Variants in NEK1 observed in about 807,000 individuals in gnomAD.
NEK1 encodes NIMA related kinase 1, also known as serine/threonine-protein kinase Nek1.
Under a neutral mutation model 182.1 loss-of-function variants are expected in NEK1, and 137 were observed. The ratio of observed to expected loss-of-function variants is 0.75; its 90% CI spans 0.65 to 0.87. The LOEUF (loss-of-function observed/expected upper bound fraction) is 0.87. NEK1 is among the 40% of genes least tolerant of loss of function. The pLI, the probability that NEK1 is intolerant of heterozygous loss-of-function variation, is 0.00. For missense variants in NEK1, 1,391 were observed against 1,494.4 expected (o/e 0.93, Z 1.14); for synonymous variants, 513 against 492.2 (o/e 1.04, Z -0.56).
intron 23 of NEK1, among the ~76,000 whole-genome samples, chr4:169,481,568 G>A (rs1748016682): frequency 6.6e-6 from 1 of 152,118 alleles, no homozygotes; most frequent in African/African-American, 2.4e-5. Context: ...TAGGTGCCTT[G>A]TCAATGAGTA....
At chr4:169,479,940 G>C (rs17627342) in intron 23 of NEK1, among the ~76,000 whole-genome samples, 1 of 152,082 alleles carries the variant, frequency 6.6e-6, no homozygotes, top group Non-Finnish European at 1.5e-5. Context: ...CTCAACATAA[G>C]AGCCCTCATA....
intron 26 of NEK1, among the ~76,000 whole-genome samples, chr4:169,468,637 T>C (rs1001189508): frequency 6.6e-6 from 1 of 152,190 alleles, no homozygotes; most frequent in African/African-American, 2.4e-5. Flanking sequence ...TCTCATAAAA[T>C]TAGTTAGGGA....
chr4:169,582,017 C>T (rs1441199999), intron 10 of NEK1, among the ~76,000 whole-genome samples: 2 of 152,132 alleles, frequency 1.3e-5, no homozygotes, highest in East Asian at 3.9e-4. Context: ...GAACAAAAAT[C>T]ATTTACATTT....
At position 169,592,279 on chromosome 4, in the gene NEK1, C is replaced by G. The variant is rs75456550; in HGVS notation, c.313-1470G>C. On this transcript the variant is annotated intron_variant, in intron 5 of 35. Transcript: ENST00000507142. ...TAAAACCATGTATATAAGATATTTA[C>G]TACAGCACTGTTAGCCAGAACCCAA... 4.3e-4 allele frequency among the ~76,000 whole-genome samples: 65 copies of G among 152,170 alleles called. 1 individual carries two copies. The East Asian group carries it at 0.012, about 28-fold the overall frequency.
chr4:169,449,188 A>G (rs986986236), intron 27 of NEK1, among the ~76,000 whole-genome samples: 2 of 152,226 alleles, frequency 1.3e-5, no homozygotes, highest in African/African-American at 4.8e-5. Context: ...GCAGCTCAAC[A>G]AGGCCTACCG....
rs368704005 is a variant in NEK1, at chr4:169,472,175, C to CA, written c.2434+4948dup. Among the ~76,000 whole-genome samples the CA allele has an allele frequency of 2.8e-3, 422 of 149,776 alleles. 2 individuals are homozygous for CA. Among genetic ancestry groups the CA allele is most frequent in the African/African-American group, 8.5e-3 (346 of 40,838 alleles). ...ACTGAGGTACAAAAAACAAAAAAAA[C>CA]AAAAAAAAACAAAAAACTCCTGCAG... On this transcript the variant is annotated intron_variant, in intron 26 of 35. Coordinates refer to ENST00000507142, the MANE Select transcript of NEK1 (RefSeq NM_001199397.3).
At chr4:169,443,089 A>G (rs968147812) in intron 27 of NEK1, among the ~76,000 whole-genome samples, 1 of 151,048 alleles carries the variant, frequency 6.6e-6, no homozygotes, top group African/African-American at 2.4e-5. Flanking sequence ...CTATCTATCT[A>G]TCTATCTATC....
chr4:169,587,619 G>A lies in NEK1; in HGVS notation c.552-6C>T, dbSNP rs1767749392. Reference sequence around the variant, plus strand: ...ACCCCAGAGCCCAAATGTCACTGGAGAAGATAAAAATGAGAAATTTCCTCT... The same window carrying A: ...ACCCCAGAGCCCAAATGTCACTGGAAAAGATAAAAATGAGAAATTTCCTCT... On this transcript the variant is annotated splice_region_variant and splice_polypyrimidine_tract_variant and intron_variant, in intron 8 of 35. Coordinates refer to ENST00000507142, the MANE Select transcript of NEK1 (RefSeq NM_001199397.3). 1 of 1,524,016 alleles carries A rather than the reference G, an allele frequency of 6.6e-7. No individual in the cohort carries two copies. Among genetic ancestry groups the A allele is most frequent in the South Asian group, 1.2e-5 (1 of 80,362 alleles). 94.4% of individuals were successfully genotyped at this position (1,524,016 alleles called of 1,614,324 possible).
At position 169,508,239 on chromosome 4, in the gene NEK1, T is replaced by C. The variant is rs758311905; in HGVS notation, c.1833+9A>G. 1.1e-5 allele frequency: 18 copies of C among 1,577,732 alleles called. No homozygotes were observed. Among genetic ancestry groups the C allele is most frequent in the Middle Eastern group, 1.7e-4 (1 of 6,040 alleles). On this transcript the variant is annotated intron_variant, in intron 21 of 35. Coordinates refer to ENST00000507142, the MANE Select transcript of NEK1 (RefSeq NM_001199397.3). ...TCAATTTCTTCAAAAAAATAGCTTTTCAACCTACCTTTTCACCACGAAGTT... is the reference window on the plus strand; with the variant it reads ...TCAATTTCTTCAAAAAAATAGCTTTCCAACCTACCTTTTCACCACGAAGTT...
intron 35 of NEK1, among the ~76,000 whole-genome samples, chr4:169,399,389 C>T (rs1355841734): frequency 6.6e-6 from 1 of 152,002 alleles, no homozygotes; most frequent in Non-Finnish European, 1.5e-5. Flanking sequence ...CCAGCCTGGC[C>T]AACATGGTGA....
At chr4:169,430,611 C>T (rs929959962) in intron 29 of NEK1, among the ~76,000 whole-genome samples, 1 of 152,016 alleles carries the variant, frequency 6.6e-6, no homozygotes, top group Admixed American at 6.6e-5. Flanking sequence ...GCAAAGAAGA[C>T]AGGATAAACA....
intron 14 of NEK1, 36 bp from the exon 15 acceptor site, chr4:169,561,773 T>C (rs1762944165): frequency 1.3e-6 from 2 of 1,598,232 alleles, no homozygotes; most frequent in African/African-American, 2.7e-5. Flanking sequence ...CTTACAACTC[T>C]TGAACCTATT....
At chr4:169,516,580 C>T (rs915380364) in intron 19 of NEK1, among the ~76,000 whole-genome samples, 3 of 81,784 alleles carry the variant, frequency 3.7e-5, no homozygotes, top group African/African-American at 6.7e-5. Flanking sequence ...TCCTTGCCCA[C>T]GCCTATGTCC....
intron 23 of NEK1, among the ~76,000 whole-genome samples, chr4:169,490,054 C>T (rs371829743): frequency 3.9e-5 from 6 of 152,132 alleles, no homozygotes; most frequent in South Asian, 2.1e-4. Flanking sequence ...CCCCACGGTA[C>T]GATAAACAAG....
chr4:169,593,823 C>A (rs1397926624), intron 5 of NEK1, among the ~76,000 whole-genome samples: 1 of 150,352 alleles, frequency 6.7e-6, no homozygotes, highest in African/African-American at 2.5e-5. Context: ...CCCGTCTTTA[C>A]TAAAAATACA....
chr4:169,395,187 A>T (rs936049538), intron 35 of NEK1, among the ~76,000 whole-genome samples: 1 of 152,208 alleles, frequency 6.6e-6, no homozygotes, highest in Non-Finnish European at 1.5e-5. Flanking sequence ...ACTATCTTCC[A>T]CATTCTAGCA....
At chr4:169,395,395 A>G (rs961576654) in intron 35 of NEK1, among the ~76,000 whole-genome samples, 2 of 152,014 alleles carry the variant, frequency 1.3e-5, no homozygotes, top group Non-Finnish European at 2.9e-5. Flanking sequence ...CCTATAATTT[A>G]TGCTTTAGGA....
At chr4:169,445,438 CAG>C (rs948667657) in intron 27 of NEK1, among the ~76,000 whole-genome samples, 1 of 151,834 alleles carries the variant, frequency 6.6e-6, no homozygotes. Context: ...AAAAAAGAGA[CAG>C]ATTTCAAATA....
At chr4:169,430,156 C>A (rs1051142471) in intron 29 of NEK1, among the ~76,000 whole-genome samples, 1 of 152,088 alleles carries the variant, frequency 6.6e-6, no homozygotes, top group African/African-American at 2.4e-5. Context: ...AAAACACTCT[C>A]TCTGCCTTTA....
Sources: gnomAD v4.1 joint callset for allele counts (sites outside exome capture counted in the v4.1 genomes callset) on GRCh38, gnomAD v4.1.1 for gene constraint, MANE v1.5 for transcripts, NCBI Gene and HGNC (gene_info 2026-07-23, HGNC 2026-07-21) for gene names.